PHACTR1: variants seen among roughly 807,000 people sequenced by gnomAD.
PHACTR1 encodes the protein phosphatase and actin regulator 1, also known as RPEL repeat containing 1.
Under a neutral mutation model 69.2 loss-of-function variants are expected in PHACTR1, and 16 were observed. The ratio of observed to expected loss-of-function variants is 0.23; its 90% CI spans 0.16 to 0.35. The LOEUF (loss-of-function observed/expected upper bound fraction) is 0.35, where lower values mean the gene tolerates loss of function less well. Ranked by LOEUF, PHACTR1 falls within the 10% of genes least tolerant of loss-of-function variation. The pLI is 1.00. For missense variants in PHACTR1, 510 were observed against 734.7 expected (o/e 0.69, Z 3.54); for synonymous variants, 312 against 284.5 (o/e 1.10, Z -0.97).
At chr6:13,144,890 A>G (rs964730466) in intron 5 of PHACTR1, among the ~76,000 whole-genome samples, 1 of 152,192 alleles carries the variant, frequency 6.6e-6, no homozygotes, top group African/African-American at 2.4e-5. Flanking sequence ...TGATGAGGCT[A>G]CAGTGATTAG....
At chr6:13,025,581 A>T (rs1801563082) in intron 4 of PHACTR1, among the ~76,000 whole-genome samples, 1 of 152,154 alleles carries the variant, frequency 6.6e-6, no homozygotes, top group South Asian at 2.1e-4. Context: ...AATAGTGGAC[A>T]TTATACCCCA....
At chr6:13,013,796 C>T (rs183137937) in intron 4 of PHACTR1, among the ~76,000 whole-genome samples, 1,676 of 149,030 alleles carry the variant, frequency 0.011, 17 homozygotes, top group Non-Finnish European at 0.016. Context: ...CCGGCGCGGG[C>T]GGGGCGGGGG....
At chr6:12,938,465 A>G (rs1304380002) in intron 4 of PHACTR1, among the ~76,000 whole-genome samples, 1 of 152,168 alleles carries the variant, frequency 6.6e-6, no homozygotes, top group Non-Finnish European at 1.5e-5. Flanking sequence ...GACAATAATA[A>G]CAATGACAAT....
intron 3 of PHACTR1, among the ~76,000 whole-genome samples, chr6:12,746,287 A>G (rs1042613102): frequency 2.0e-5 from 3 of 152,228 alleles, no homozygotes; most frequent in African/African-American, 7.2e-5. Flanking sequence ...TAATGCCAAC[A>G]CTTTGGGAGG....
intron 5 of PHACTR1, among the ~76,000 whole-genome samples, chr6:13,068,611 C>T (rs780289110): frequency 2.0e-5 from 3 of 152,156 alleles, no homozygotes; most frequent in Non-Finnish European, 4.4e-5. Flanking sequence ...CCTTTAGACA[C>T]GTTGTACAAT....
chr6:13,105,985 T>C (rs1816062465), intron 5 of PHACTR1, among the ~76,000 whole-genome samples: 2 of 152,204 alleles, frequency 1.3e-5, no homozygotes, highest in Non-Finnish European at 2.9e-5. Flanking sequence ...TGTTAAGCTA[T>C]AGGGTGTGAG....
At chr6:12,948,824 A>C (rs1389647680) in intron 4 of PHACTR1, among the ~76,000 whole-genome samples, 1 of 152,170 alleles carries the variant, frequency 6.6e-6, no homozygotes, top group African/African-American at 2.4e-5. Flanking sequence ...AATATTTGAC[A>C]ATTTAGTGAT....
intron 5 of PHACTR1, among the ~76,000 whole-genome samples, chr6:13,105,052 A>T (rs1264438618): frequency 1.3e-5 from 2 of 152,182 alleles, no homozygotes; most frequent in Non-Finnish European, 2.9e-5. Flanking sequence ...TGATAGGTAA[A>T]TGTGGCAGTA....
At chr6:12,764,943 C>T (rs879409657) in intron 4 of PHACTR1, among the ~76,000 whole-genome samples, 3 of 151,798 alleles carry the variant, frequency 2.0e-5, no homozygotes, top group African/African-American at 7.3e-5. Context: ...GAGGCACAGA[C>T]GTGGGTTTGA....
intron 4 of PHACTR1, among the ~76,000 whole-genome samples, chr6:13,042,234 A>G (rs1182327828): frequency 6.6e-6 from 1 of 152,222 alleles, no homozygotes; most frequent in Non-Finnish European, 1.5e-5. Context: ...TAATGAGATA[A>G]TAGATCTAAA....
At chr6:12,727,427 G>A (rs1237983419) in intron 3 of PHACTR1, among the ~76,000 whole-genome samples, 1 of 152,134 alleles carries the variant, frequency 6.6e-6, no homozygotes, top group East Asian at 1.9e-4. Flanking sequence ...TGCTCTTAGT[G>A]CCTTTGCCCC....
intron 4 of PHACTR1, among the ~76,000 whole-genome samples, chr6:12,792,464 C>CAAAAAAAAAAAAAA (rs60942588): frequency 3.5e-4 from 11 of 31,400 alleles, no homozygotes; most frequent in African/African-American, 4.6e-4. Context: ...AACTCCATGT[C>CAAAAAAAAAAAAAA]AAAAAAAAAA....
intron 4 of PHACTR1, among the ~76,000 whole-genome samples, chr6:13,002,075 A>G (rs1264977776): frequency 6.6e-6 from 1 of 152,246 alleles, no homozygotes; most frequent in African/African-American, 2.4e-5. Flanking sequence ...ACACTGAACT[A>G]TGCATTTACA....
At chr6:13,249,507 G>A (rs542023930) in intron 10 of PHACTR1, among the ~76,000 whole-genome samples, 1 of 152,284 alleles carries the variant, frequency 6.6e-6, no homozygotes, top group East Asian at 1.9e-4. Flanking sequence ...ACTAAAATGT[G>A]TGGTGATTAA....
intron 5 of PHACTR1, among the ~76,000 whole-genome samples, chr6:13,135,793 G>C (rs928384457): frequency 9.9e-5 from 15 of 152,126 alleles, no homozygotes; most frequent in Admixed American, 9.8e-4. Flanking sequence ...CTGAGGGAAG[G>C]GGGTATGGCT....
rs566741979 is a variant in PHACTR1 at position 12,918,236 on chromosome 6, C to T, written c.251-135129C>T. Among the ~76,000 whole-genome samples, 4 of 151,472 alleles carry T rather than the reference C, an allele frequency of 2.6e-5. No individual in the cohort carries two copies. The South Asian group carries it at 6.3e-4, about 24-fold the overall frequency. On this transcript the variant is annotated intron_variant, in intron 4 of 14. Transcript: ENST00000332995. ...TTGAAGGCTGGCTATTTGGCCCACT[C>T]GCAAATCTCCTTGACACTTTCCTCC...
chr6:12,845,227 G>A (rs575085709), intron 4 of PHACTR1, among the ~76,000 whole-genome samples: 2 of 152,268 alleles, frequency 1.3e-5, no homozygotes, highest in Middle Eastern at 3.4e-3. Context: ...AAGTGGAGAA[G>A]TGCCCTCAGT....
Position 13,227,832 on chromosome 6 carries a change from C to T in PHACTR1, c.1003C>T (p.Pro335Ser). 2 of 1,613,906 alleles carry T rather than the reference C, an allele frequency of 1.2e-6. No homozygotes were observed. The highest frequency in any genetic ancestry group is 2.2e-5 in the East Asian group (1 of 44,880). The change falls in exon 9 of 15, where the codon CCC becomes TCC. Residue 335 changes from proline (P) to serine (S), a missense_variant. By Grantham distance (74) the Pro-to-Ser change is moderately conservative. Coordinates refer to ENST00000332995, the MANE Select transcript of PHACTR1 (RefSeq NM_030948.6). ...TTTAAACAGCTCTGAGCAGCGGGTC[C>T]CCTGTTCCACTTCTTACCACAGCTC... ...QRLESSEQRV[P>S]CSTSYHSSGL...
chr6:13,041,339 T>TATACAC (rs1554113083), intron 4 of PHACTR1, among the ~76,000 whole-genome samples: 2 of 135,366 alleles, frequency 1.5e-5, no homozygotes, highest in Non-Finnish European at 1.6e-5. Flanking sequence ...TTAAAATACA[T>TATACAC]ACACACACAC....
Sources: allele counts gnomAD v4.1 joint callset (sites outside exome capture counted in the v4.1 genomes callset), GRCh38; gene constraint gnomAD v4.1.1; transcripts MANE v1.5; gene names NCBI Gene and HGNC (gene_info 2026-07-23, HGNC 2026-07-21).